The following SLC2A7 variants were observed in gnomAD, a reference collection of about 807,000 sequenced individuals.
SLC2A7 encodes solute carrier family 2, facilitated glucose transporter member 7.
In SLC2A7, 50 loss-of-function variants were observed where a neutral mutation model predicts 50.5. That is an observed-to-expected ratio of 0.99 (90% CI 0.79 to 1.25). SLC2A7 has a LOEUF of 1.25. Ranked by LOEUF, SLC2A7 falls within the 50% of genes most tolerant of loss-of-function variation. The pLI is 0.00. For synonymous variants in SLC2A7, 308 were observed against 300.4 expected (o/e 1.03, Z -0.26); for missense variants, 683 against 679.1 (o/e 1.01, Z -0.06).
rs771252831 is a variant in SLC2A7, at chr1:9,007,326, T to G, written c.1176A>C (p.Gly392=). ...GIICVFAYIA[G]HSIGPSPVPS... ...GGTACTCACTGGGCCCAATGGAATG[T>G]CCCGCGATGTAGGCAAAGACACAGA... Residue 392 remains glycine (G), a synonymous_variant, in exon 10 of 12, where the codon GGA becomes GGC. Coordinates refer to ENST00000400906, the MANE Select transcript of SLC2A7 (RefSeq NM_207420.3). 6.2e-7 allele frequency: 1 copy of G among 1,614,186 alleles called. No homozygotes were observed. The highest frequency in any genetic ancestry group is 1.1e-5 in the South Asian group (1 of 91,086).
At chr1:9,007,141 A>G (rs1374984107) in intron 10 of SLC2A7, among the ~76,000 whole-genome samples, 169 bp downstream of exon 10, 3 of 152,206 alleles carry the variant, frequency 2.0e-5, no homozygotes, top group African/African-American at 7.2e-5. Flanking sequence ...ATGAATGCAC[A>G]TGGCCTGGAG....
chr1:9,015,476 AG>A (rs982528361), intron 5 of SLC2A7, among the ~76,000 whole-genome samples: 13 of 152,230 alleles, frequency 8.5e-5, no homozygotes, highest in African/African-American at 3.1e-4. Flanking sequence ...TCTAAAGAAT[AG>A]GCAATGATTT....
rs1640782626 is a variant in SLC2A7 at position 9,013,603 on chromosome 1, A to C, written c.936T>G (p.Ser312=). ...GGGAGTGAGCGGCCTCCACGCCCGC[A>C]GATGTGTAGATGGTGTCCGCATAGT... is the stretch of plus-strand genomic sequence containing the variant. The part of the protein sequence containing the change: ...INYYADTIYT[S]AGVEAAHSQY... The change falls in exon 8 of 12, where the codon TCT becomes TCG. Residue 312 remains serine, a synonymous_variant. Coordinates refer to ENST00000400906, the MANE Select transcript of SLC2A7 (RefSeq NM_207420.3). 1.9e-6 allele frequency: 3 copies of C among 1,614,134 alleles called. No individual in the cohort carries two copies. The highest frequency in any genetic ancestry group is 2.2e-5 in the South Asian group (2 of 91,058).
chr1:8,997,734 C>T, the SLC2A7 span, among the ~76,000 whole-genome samples: 2 of 152,164 alleles, frequency 1.3e-5, no homozygotes, highest in East Asian at 3.8e-4. Context: ...ACATTTTGTA[C>T]ATCTAGATAC....
chr1:9,010,935 G>C (rs1384826476), intron 8 of SLC2A7, among the ~76,000 whole-genome samples: 1 of 152,216 alleles, frequency 6.6e-6, no homozygotes, highest in Non-Finnish European at 1.5e-5. Context: ...CGCTGTCTGG[G>C]AGTGAGTGCC....
chr1:9,004,688 A>G, intron 11 of SLC2A7, 64 bp downstream of exon 11: 1 of 1,578,340 alleles, frequency 6.3e-7, no homozygotes, highest in South Asian at 1.1e-5. Flanking sequence ...GCTTAGCGGA[A>G]GGGGAATACA....
intron 10 of SLC2A7, among the ~76,000 whole-genome samples, chr1:9,006,028 C>T (rs904895519): frequency 2.0e-4 from 31 of 152,114 alleles, no homozygotes; most frequent in African/African-American, 7.2e-4. Flanking sequence ...GTCCTTAGGT[C>T]TAAGTTGAAT....
chr1:9,024,047 G>A (rs914831113), intron 2 of SLC2A7, among the ~76,000 whole-genome samples: 9 of 151,692 alleles, frequency 5.9e-5, no homozygotes, highest in Admixed American at 1.3e-4. Flanking sequence ...GTAGAGATGA[G>A]GTTTCACCAT....
chr1:9,007,212 G>A (rs906507224), intron 10 of SLC2A7, 98 bp downstream of exon 10: 9 of 1,363,772 alleles, frequency 6.6e-6, no homozygotes, highest in South Asian at 1.2e-5. Flanking sequence ...GACCAAGGAC[G>A]TCCATTCACT....
downstream of SLC2A7, among the ~76,000 whole-genome samples, chr1:8,999,913 G>A (rs1410868403): frequency 2.6e-5 from 4 of 152,134 alleles, no homozygotes; most frequent in Admixed American, 6.5e-5. Flanking sequence ...TGCAGGGGAC[G>A]CAGCTGTCAG....
chr1:9,010,003 G>C lies in SLC2A7; in HGVS notation c.1116+140C>G, dbSNP rs114142479. 5.8e-4 allele frequency: 411 copies of C among 710,348 alleles called. 2 individuals are homozygous for C. The African/African-American group carries it at 6.8e-3, about 12-fold the overall frequency. The allele number at this position is 710,348 out of a possible 1,614,324, so 44.0% of individuals were successfully genotyped here. ...GACATTCACTTCAGGATGGGGCATT[G>C]CAAAGTACTTTTCCAGGCAGGATGC... On this transcript the variant is annotated intron_variant, in intron 9 of 11. Coordinates refer to ENST00000400906, the MANE Select transcript of SLC2A7 (RefSeq NM_207420.3).
intron 2 of SLC2A7, 115 bp downstream of exon 2, chr1:9,024,861 A>C: frequency 8.6e-7 from 1 of 1,167,580 alleles, no homozygotes; most frequent in Non-Finnish European, 1.2e-6. Context: ...CAAAGGCAAG[A>C]TGGTGCCTCC....
chr1:9,015,279 G>T (rs1569798050), intron 5 of SLC2A7, 37 bp from the exon 6 acceptor site: 3 of 1,534,024 alleles, frequency 2.0e-6, no homozygotes, highest in Non-Finnish European at 1.7e-6. Flanking sequence ...CCGGGGCCTG[G>T]GCACCCCCTG....
intron 11 of SLC2A7, 70 bp downstream of exon 11, chr1:9,004,682 A>G (rs1014210242): frequency 3.8e-6 from 6 of 1,569,550 alleles, no homozygotes; most frequent in Non-Finnish European, 3.5e-6. Flanking sequence ...AGATGTGCTT[A>G]GCGGAAGGGG....
At chr1:9,011,875 G>A (rs1017132202) in intron 8 of SLC2A7, among the ~76,000 whole-genome samples, 2 of 150,040 alleles carry the variant, frequency 1.3e-5, no homozygotes, top group African/African-American at 2.5e-5. Context: ...TCAGTCTCCC[G>A]AGTAGCTGGG....
chr1:9,013,607 G>A lies in SLC2A7; in HGVS notation c.932C>T (p.Thr311Ile), dbSNP rs1260820494. Residue 311 changes from threonine to isoleucine, a missense_variant, in exon 8 of 12, where the codon ACA (threonine) becomes ATA (isoleucine). Transcript: ENST00000400906. ...AINYYADTIY[T>I]SAGVEAAHSQ... is the part of the protein sequence containing the mutation. ...GTGAGCGGCCTCCACGCCCGCAGAT[G>A]TGTAGATGGTGTCCGCATAGTAGTT... 1.2e-6 allele frequency: 2 copies of A among 1,614,146 alleles called. No individual in the cohort carries two copies. The highest frequency in any genetic ancestry group is 1.7e-6 in the Non-Finnish European group (2 of 1,179,986).
At chr1:9,026,248 A>G in intron 1 of SLC2A7, 47 bp downstream of exon 1, 8 of 1,588,056 alleles carry the variant, frequency 5.0e-6, no homozygotes, top group Non-Finnish European at 1.7e-6. Context: ...AGGTCTGCAC[A>G]GCTGGTGGGA....
In SLC2A7 at chr1:9,008,677, A is replaced by G. The variant is rs1014101034; in HGVS notation, c.1117-1292T>C. Among the ~76,000 whole-genome samples the G allele has an allele frequency of 6.6e-6, 1 of 150,790 alleles. No individual in the cohort carries two copies. The highest frequency in any genetic ancestry group is 1.5e-5 in the Non-Finnish European group (1 of 67,862). ...AGTGCTGTGATCTTGGCTCACTGCA[A>G]CCTCTGCCTCCTGAGTTCAAGTGAT... is the stretch of plus-strand genomic sequence containing the variant. On this transcript the variant is annotated intron_variant, in intron 9 of 11. Coordinates refer to ENST00000400906, the MANE Select transcript of SLC2A7 (RefSeq NM_207420.3). The surrounding 1 kb of genome is among the most constrained non-coding windows in gnomAD (Gnocchi z 5.9).
chr1:9,024,119 C>T (rs1640959675), intron 2 of SLC2A7, among the ~76,000 whole-genome samples: 1 of 152,062 alleles, frequency 6.6e-6, no homozygotes, highest in Non-Finnish European at 1.5e-5. Flanking sequence ...CCACCTCAGC[C>T]TCCCAAAGTG....
Sources: gnomAD v4.1 joint callset for allele counts (sites outside exome capture counted in the v4.1 genomes callset) on GRCh38, gnomAD v4.1.1 for gene constraint, Gnocchi (gnomAD v3.1) non-coding constraint, MANE v1.5 for transcripts, NCBI Gene and HGNC (gene_info 2026-07-23, HGNC 2026-07-21) for gene names.